The following TMEM164 variants were observed in gnomAD, a reference collection of about 807,000 sequenced individuals.
TMEM164 encodes the protein RP13-360B22.2.
A neutral mutation model predicts 18.8 loss-of-function variants in TMEM164; 4 were observed. That is an observed-to-expected ratio of 0.21 (90% CI 0.10 to 0.49). The LOEUF is 0.49. TMEM164 is among the 20% of genes least tolerant of loss of function. The probability of loss-of-function intolerance (pLI) is 0.98; values close to 1 mark genes in which losing one functional copy is unlikely to be tolerated. For missense variants in TMEM164, 108 were observed against 239.9 expected (o/e 0.45, Z 3.63); for synonymous variants, 86 against 101.7 (o/e 0.85, Z 0.93).
At chrX:110,134,450 C>T (rs2066655789) in intron 4 of TMEM164, among the ~76,000 whole-genome samples, 1 of 107,635 alleles carries the variant, frequency 9.3e-6, no homozygotes, top group African/African-American at 3.4e-5. Context: ...GTCCCAGCTA[C>T]TCGGGAGGCT....
intron 2 of TMEM164, among the ~76,000 whole-genome samples, chrX:110,052,992 C>T (rs1007876187): frequency 9.0e-6 from 1 of 110,906 alleles, no homozygotes; most frequent in Admixed American, 9.6e-5. Flanking sequence ...ACCTCATGAT[C>T]TGCCCACCTT....
intron 5 of TMEM164, among the ~76,000 whole-genome samples, chrX:110,145,986 T>G (rs1460006548): frequency 8.9e-6 from 1 of 111,991 alleles, no homozygotes; most frequent in Non-Finnish European, 1.9e-5. Context: ...GTGCGGCCAC[T>G]TGGGGTCTCA....
rs1222305798 is a variant in TMEM164, at chrX:110,009,442, A to AT, written c.390+5287dup. Among the ~76,000 whole-genome samples the AT allele has an allele frequency of 2.3e-4, 25 of 109,009 alleles. No individual in the cohort carries two copies. In the South Asian group the frequency reaches 3.1e-3, roughly 14 times the overall value. 94.7% of individuals were successfully genotyped at this position (109,009 alleles called of 115,157 possible). On this transcript the variant is annotated intron_variant, in intron 2 of 6. Coordinates refer to ENST00000372068, the MANE Select transcript of TMEM164 (RefSeq NM_032227.4). ...AGGTAATCTGGTGTTTGGCCAGATC[A>AT]TTTTTTTTTGTTTGTTTGTTTTTTG...
chrX:110,117,204 C>G (rs1174935761), intron 4 of TMEM164, among the ~76,000 whole-genome samples: 5 of 111,477 alleles, frequency 4.5e-5, no homozygotes, highest in Non-Finnish European at 9.4e-5. Flanking sequence ...CAGGAAGTGA[C>G]AGAACTAGCA....
chrX:110,156,256 C>T (rs760200043), intron 5 of TMEM164, among the ~76,000 whole-genome samples: 6 of 111,815 alleles, frequency 5.4e-5, no homozygotes, highest in Admixed American at 9.5e-5. Context: ...CAGCCAAGGG[C>T]ATGTATTCCT....
In TMEM164 at chrX:110,146,051, G is replaced by A. The variant is rs146513931; in HGVS notation, c.586+1175G>A. Among the ~76,000 whole-genome samples the A allele has an allele frequency of 2.8e-3, 318 of 112,434 alleles. 1 individual carries two copies. Among genetic ancestry groups the A allele is most frequent in the African/African-American group, 9.6e-3 (298 of 30,959 alleles). Reference sequence around the variant, plus strand: ...GCTGTAAAAGCACTATTTTCCTCACGAGGCTTTAAGGAAAGTCTGAAGTTC... The same window carrying A: ...GCTGTAAAAGCACTATTTTCCTCACAAGGCTTTAAGGAAAGTCTGAAGTTC... On this transcript the variant is annotated intron_variant, in intron 5 of 6. Transcript: ENST00000372068.
chrX:110,100,302 A>C (rs1333940201), intron 3 of TMEM164, among the ~76,000 whole-genome samples: 2 of 110,883 alleles, frequency 1.8e-5, no homozygotes, highest in African/African-American at 6.6e-5. Flanking sequence ...TAGATTAGGC[A>C]TAGTAATTTT....
intron 2 of TMEM164, among the ~76,000 whole-genome samples, chrX:110,017,512 C>T (rs369107602): frequency 2.1e-3 from 43 of 20,150 alleles, no homozygotes; most frequent in African/African-American, 0.01. Flanking sequence ...CCCTCCCTCC[C>T]TCCTTCCTTC....
At chrX:110,154,424 AT>A (rs1413534733) in intron 5 of TMEM164, among the ~76,000 whole-genome samples, 2 of 110,374 alleles carry the variant, frequency 1.8e-5, no homozygotes, top group Non-Finnish European at 3.8e-5. Context: ...AGTTTATTTT[AT>A]TTTTATTTTT....
chrX:110,005,497 G>T (rs756517312), intron 2 of TMEM164, among the ~76,000 whole-genome samples: 1 of 111,991 alleles, frequency 8.9e-6, no homozygotes, highest in Non-Finnish European at 1.9e-5. Context: ...TCATTTGATT[G>T]CAGGCTTCTG....
At chrX:110,073,281 C>T (rs1158570042) in intron 3 of TMEM164, among the ~76,000 whole-genome samples, 1 of 111,705 alleles carries the variant, frequency 9.0e-6, no homozygotes, top group Non-Finnish European at 1.9e-5. Flanking sequence ...AGAAATTCTC[C>T]CACTTCAGCG....
At position 110,003,780 on chromosome X, in the gene TMEM164, C is replaced by T; in HGVS notation, c.6C>T (p.Ser2=). The change falls in exon 2 of 7, where the codon TCC becomes TCT. Residue 2 remains serine, a synonymous_variant. Coordinates refer to ENST00000372068, the MANE Select transcript of TMEM164 (RefSeq NM_032227.4). ...TCAAGGGGAACCACTGCATCATGTC[C>T]CGGTATAGCTACCAGAGTCTCCTGG... M[S]RYSYQSLLDW... is the part of the protein sequence containing the mutation. 1 of 1,196,200 alleles carries T rather than the reference C, an allele frequency of 8.4e-7. No homozygotes were observed. Among genetic ancestry groups the T allele is most frequent in the Non-Finnish European group, 1.1e-6 (1 of 888,234 alleles).
At chrX:110,024,615 G>A (rs1473402407) in intron 2 of TMEM164, among the ~76,000 whole-genome samples, 2 of 111,978 alleles carry the variant, frequency 1.8e-5, no homozygotes, top group African/African-American at 3.2e-5. Context: ...TTCAGGGCTT[G>A]TAGTCTCTAA....
chrX:110,004,875 A>T (rs1932593424), intron 2 of TMEM164, among the ~76,000 whole-genome samples: 1 of 112,286 alleles, frequency 8.9e-6, no homozygotes, highest in Non-Finnish European at 1.9e-5. Flanking sequence ...TCATAGTCCA[A>T]GGGTGCTTAG....
chrX:110,103,028 A>T (rs1418970089), intron 3 of TMEM164, among the ~76,000 whole-genome samples: 3 of 112,627 alleles, frequency 2.7e-5, no homozygotes, highest in Non-Finnish European at 3.7e-5. Context: ...ACTGATCTAG[A>T]AGAGAATCAA....
At chrX:110,037,027 C>A (rs1934837815) in intron 2 of TMEM164, among the ~76,000 whole-genome samples, 1 of 110,673 alleles carries the variant, frequency 9.0e-6, no homozygotes, top group Non-Finnish European at 1.9e-5. Context: ...CCAAAAGAAG[C>A]TGGGTATGTA....
intron 3 of TMEM164, among the ~76,000 whole-genome samples, chrX:110,077,936 T>C (rs2065696684): frequency 9.0e-6 from 1 of 111,634 alleles, no homozygotes; most frequent in African/African-American, 3.3e-5. Context: ...ATGTGTCTTG[T>C]GGATGGTCAT....
intron 6 of TMEM164, among the ~76,000 whole-genome samples, chrX:110,172,751 A>C (rs2067247917): frequency 9.0e-6 from 1 of 111,698 alleles, no homozygotes; most frequent in East Asian, 2.8e-4. Context: ...CTGTCATGAA[A>C]TCTTCTCTGA....
At chrX:110,005,313 G>T (rs1210651543) in intron 2 of TMEM164, among the ~76,000 whole-genome samples, 1 of 111,658 alleles carries the variant, frequency 9.0e-6, no homozygotes, top group African/African-American at 3.3e-5. Context: ...GCCAGAAGAT[G>T]AATTAGTGCC....
Sources: allele counts gnomAD v4.1 joint callset (sites outside exome capture counted in the v4.1 genomes callset), GRCh38; gene constraint gnomAD v4.1.1; transcripts MANE v1.5; gene names NCBI Gene and HGNC (gene_info 2026-07-23, HGNC 2026-07-21).